Variants in RB1 observed in about 807,000 individuals in gnomAD.
The protein encoded by RB1 is RB transcriptional corepressor 1.
A neutral mutation model predicts 135.4 loss-of-function variants in RB1; 18 were observed. That is an observed-to-expected ratio of 0.13 (90% CI 0.09 to 0.20). The LOEUF (loss-of-function observed/expected upper bound fraction) is 0.20. Among genes scored for constraint, RB1 ranks in the 10% least tolerant of loss-of-function variants. The pLI, the probability that RB1 is intolerant of heterozygous loss-of-function variation, is 1.00. For synonymous variants in RB1, 365 were observed against 373.2 expected, an observed-to-expected ratio of 0.98 and a Z score of 0.25; for missense variants, 868 against 1,110.0, an observed-to-expected ratio of 0.78 and a Z score of 3.10.
chr13:48,331,050 G>A (rs1211349520), intron 2 of RB1, among the ~76,000 whole-genome samples: 1 of 152,154 alleles, frequency 6.6e-6, no homozygotes, highest in Non-Finnish European at 1.5e-5. Flanking sequence ...CATCTTAATA[G>A]ATCCAGAAAA....
intron 17 of RB1, among the ~76,000 whole-genome samples, chr13:48,442,604 T>G (rs970010849): frequency 1.3e-5 from 2 of 152,162 alleles, no homozygotes; most frequent in African/African-American, 4.8e-5. Context: ...AGACCCTCAC[T>G]GAATTGAAGA....
At chr13:48,367,661 G>T in intron 10 of RB1, 58 bp downstream of exon 10, 11 of 1,561,354 alleles carry the variant, frequency 7.0e-6, no homozygotes, top group Non-Finnish European at 8.7e-6. Context: ...TACTGATATA[G>T]GTAGATTATA....
intron 17 of RB1, chr13:48,424,249 A>G (rs1393951762): frequency 6.6e-6 from 1 of 152,260 alleles, no homozygotes; most frequent in Non-Finnish European, 1.5e-5. Context: ...CTTAAATTCT[A>G]GACTAGTATT....
intron 2 of RB1, among the ~76,000 whole-genome samples, chr13:48,339,320 C>T (rs1372008868): frequency 6.6e-6 from 1 of 152,234 alleles, no homozygotes; most frequent in Non-Finnish European, 1.5e-5. Flanking sequence ...GTGGGCTCCA[C>T]CCAGTTCAAG....
At chr13:48,398,732 C>G (rs1365266615) in intron 17 of RB1, among the ~76,000 whole-genome samples, 1 of 151,986 alleles carries the variant, frequency 6.6e-6, no homozygotes, top group Non-Finnish European at 1.5e-5. Flanking sequence ...ATCATTCATG[C>G]TGTTTTTACT....
At chr13:48,352,075 G>C (rs1339071467) in intron 6 of RB1, among the ~76,000 whole-genome samples, 2 of 152,160 alleles carry the variant, frequency 1.3e-5, no homozygotes, top group African/African-American at 4.8e-5. Flanking sequence ...CCTAGCACCA[G>C]TTAATGAAAT....
chr13:48,376,841 A>T, intron 12 of RB1, 77 bp from the exon 13 acceptor site: 2 of 1,599,608 alleles, frequency 1.3e-6, no homozygotes, highest in Non-Finnish European at 1.7e-6. Context: ...TTAAAAAGTC[A>T]TATATTATGG....
intron 17 of RB1, among the ~76,000 whole-genome samples, chr13:48,395,730 T>C (rs1161004755): frequency 6.6e-6 from 1 of 152,146 alleles, no homozygotes; most frequent in African/African-American, 2.4e-5. Flanking sequence ...TAGGGGACTA[T>C]GTGAAAAGAC....
chr13:48,360,090 T>C lies in RB1; in HGVS notation c.681T>C (p.Ile227=), dbSNP rs773192598. Residue 227 remains isoleucine (I), a synonymous_variant, in exon 7 of 27, where the codon ATT becomes ATC. Coordinates refer to ENST00000267163, the MANE Select transcript of RB1 (RefSeq NM_000321.3). ...QLMLCVLDYF[I]KLSPPMLLKE... ...TGCTATGTGTCCTTGACTATTTTAT[T>C]AAACTCTCACCTCCCATGTTGCTCA... The C allele has an allele frequency of 6.2e-7, 1 of 1,612,814 alleles. No individual in the cohort carries two copies. Among genetic ancestry groups the C allele is most frequent in the Non-Finnish European group, 8.5e-7 (1 of 1,179,286 alleles).
intron 26 of RB1, 147 bp downstream of exon 26, chr13:48,477,551 C>G (rs1416447407): frequency 4.3e-6 from 3 of 705,126 alleles, no homozygotes; most frequent in Admixed American, 2.5e-5. Flanking sequence ...GGTTATTTAT[C>G]TACAAACATT....
intron 2 of RB1, among the ~76,000 whole-genome samples, chr13:48,329,855 A>G (rs753828111): frequency 6.6e-6 from 1 of 152,182 alleles, no homozygotes; most frequent in Non-Finnish European, 1.5e-5. Context: ...ACCAATTTTG[A>G]CAACTACCAT....
chr13:48,308,654 A>AAAAAAACC (rs1555279640), intron 2 of RB1, among the ~76,000 whole-genome samples: 1 of 152,062 alleles, frequency 6.6e-6, no homozygotes, highest in Non-Finnish European at 1.5e-5. Context: ...TCCATCTCAA[A>AAAAAAACC]AAAAAAACAA....
chr13:48,348,720 T>C (rs1431579527), intron 5 of RB1, among the ~76,000 whole-genome samples: 12 of 151,368 alleles, frequency 7.9e-5, no homozygotes. Context: ...GAATGTATAC[T>C]ATTCTGTGGG....
At chr13:48,385,077 T>A (rs1948562179) in intron 17 of RB1, among the ~76,000 whole-genome samples, 1 of 152,200 alleles carries the variant, frequency 6.6e-6, no homozygotes, top group South Asian at 2.1e-4. Context: ...TCAGAATTTA[T>A]CATATTTTTT....
At chr13:48,427,069 G>C (rs1949089993) in intron 17 of RB1, among the ~76,000 whole-genome samples, 1 of 152,228 alleles carries the variant, frequency 6.6e-6, no homozygotes, top group African/African-American at 2.4e-5. Flanking sequence ...TTATCACCAA[G>C]GGGGTGGTGC....
intron 17 of RB1, among the ~76,000 whole-genome samples, chr13:48,395,531 A>C (rs184834755): frequency 6.5e-4 from 99 of 152,302 alleles, no homozygotes; most frequent in African/African-American, 2.4e-3. Context: ...AGAGAAGAAC[A>C]TAAATGACCT....
At chr13:48,376,280 C>T (rs943323004) in intron 12 of RB1, among the ~76,000 whole-genome samples, 1 of 152,042 alleles carries the variant, frequency 6.6e-6, no homozygotes, top group Non-Finnish European at 1.5e-5. Flanking sequence ...GTGGTTGGAT[C>T]ACCTGAAATC....
rs192374056 is a variant in RB1 at position 48,395,227 on chromosome 13, G to A, written c.1695+13784G>A. Among the ~76,000 whole-genome samples the A allele has an allele frequency of 2.5e-3, 376 of 152,270 alleles. 3 individuals carry two copies. Among genetic ancestry groups the A allele is most frequent in the African/African-American group, 8.4e-3 (349 of 41,566 alleles). Reference sequence around the variant, plus strand: ...CATCAACAAAAAGGACGTCCACACAGAAACCCCATTTGAAGGTCATCAACA... The same window carrying A: ...CATCAACAAAAAGGACGTCCACACAAAAACCCCATTTGAAGGTCATCAACA... On this transcript the variant is annotated intron_variant, in intron 17 of 26. Coordinates refer to ENST00000267163, the MANE Select transcript of RB1 (RefSeq NM_000321.3).
intron 17 of RB1, among the ~76,000 whole-genome samples, chr13:48,415,272 C>CTTTTCT (rs912210738): frequency 8.6e-5 from 13 of 151,436 alleles, no homozygotes; most frequent in African/African-American, 3.1e-4. Flanking sequence ...TTTTTCTTTT[C>CTTTTCT]TTTTCTTTTT....
Sources: gnomAD v4.1 joint callset for allele counts (sites outside exome capture counted in the v4.1 genomes callset) on GRCh38, gnomAD v4.1.1 for gene constraint, MANE v1.5 for transcripts, NCBI Gene and HGNC (gene_info 2026-07-23, HGNC 2026-07-21) for gene names.